The following ZNF701 variants were observed in gnomAD, a reference collection of about 807,000 sequenced individuals.
ZNF701 encodes the protein zinc finger protein 701.
ZNF701 carries 6 observed loss-of-function variants against 7.1 expected under a neutral mutation model. The ratio of observed to expected loss-of-function variants is 0.84; its 90% CI spans 0.46 to 1.66. The LOEUF (loss-of-function observed/expected upper bound fraction) is 1.66. ZNF701 is among the 40% of genes most tolerant of loss of function. The probability of loss-of-function intolerance (pLI) is 0.01; values close to 1 mark genes in which losing one functional copy is unlikely to be tolerated. For missense variants in ZNF701, 541 were observed against 559.2 expected, an observed-to-expected ratio of 0.97 and a Z score of 0.33; for synonymous variants, 166 against 188.2, an observed-to-expected ratio of 0.88 and a Z score of 0.97.
chr19:52,596,046 A>G, the ZNF701 span: 13 of 1,405,510 alleles, frequency 9.2e-6, no homozygotes, highest in Non-Finnish European at 1.3e-5. Flanking sequence ...TCTATTAAGT[A>G]TGGGAAGAAT....
At chr19:52,575,183 A>C (rs964262931) in intron 2 of ZNF701, among the ~76,000 whole-genome samples, 1 of 152,014 alleles carries the variant, frequency 6.6e-6, no homozygotes, top group African/African-American at 2.4e-5. Context: ...GTTAGCCAGG[A>C]TGGTCTCGAT....
At position 52,582,251 on chromosome 19, in the gene ZNF701, C is replaced by G; in HGVS notation, c.192C>G (p.Gly64=). The change falls in exon 4 of 4, where the codon GGC becomes GGG. Residue 64 remains glycine (G), a synonymous_variant. Coordinates refer to ENST00000391785, the MANE Select transcript of ZNF701 (RefSeq NM_018260.3). The part of the protein sequence containing the change: ...MMKMFSSTGQ[G]NTEVVHTGTL... ...AGATGTTCTCATCAACAGGACAAGG[C>G]AATACAGAAGTGGTCCACACAGGGA... 3 of 1,605,602 alleles carry G rather than the reference C, an allele frequency of 1.9e-6. No homozygotes were observed. Among genetic ancestry groups the G allele is most frequent in the Non-Finnish European group, 2.6e-6 (3 of 1,175,986 alleles).
chr19:52,588,480 A>G (rs1361522211), downstream of ZNF701: 1 of 207,384 alleles, frequency 4.8e-6, no homozygotes, highest in Non-Finnish European at 9.7e-6. Flanking sequence ...GCTAGACACC[A>G]TCTCAAAAAA....
downstream of ZNF701, among the ~76,000 whole-genome samples, chr19:52,590,949 C>T (rs1342806655): frequency 1.3e-5 from 2 of 152,076 alleles, no homozygotes; most frequent in African/African-American, 2.4e-5. Context: ...AAAAGATTCT[C>T]CTGCCTCGCC....
chr19:52,590,980 C>T (rs1484405059), downstream of ZNF701, among the ~76,000 whole-genome samples: 1 of 152,022 alleles, frequency 6.6e-6, no homozygotes, highest in Admixed American at 6.6e-5. Context: ...GCTGGGACTA[C>T]AGGCACGCAC....
At chr19:52,576,401 C>T (rs1270544785) in intron 3 of ZNF701, among the ~76,000 whole-genome samples, 7 of 152,078 alleles carry the variant, frequency 4.6e-5, no homozygotes, top group East Asian at 3.9e-4. Flanking sequence ...ATTAGCCGGG[C>T]GTCGTGGTGC....
chr19:52,572,567 C>T (rs2059908027), intron 1 of ZNF701: 1 of 384,948 alleles, frequency 2.6e-6, no homozygotes, highest in Non-Finnish European at 4.7e-6. Flanking sequence ...CCTTCCAGGC[C>T]ACCATGTAAG....
At chr19:52,571,335 C>T (rs928432406) in intron 1 of ZNF701, among the ~76,000 whole-genome samples, 1 of 151,536 alleles carries the variant, frequency 6.6e-6, no homozygotes, top group Non-Finnish European at 1.5e-5. Flanking sequence ...GCAGGGAGGA[C>T]GCCTGGGGAT....
chr19:52,578,853 G>A (rs926439611), intron 3 of ZNF701, among the ~76,000 whole-genome samples: 3 of 152,072 alleles, frequency 2.0e-5, no homozygotes, highest in Non-Finnish European at 4.4e-5. Context: ...CACCTCCCGG[G>A]TTCACGCCAT....
downstream of ZNF701, among the ~76,000 whole-genome samples, chr19:52,591,463 GA>G (rs1278403051): frequency 6.6e-6 from 1 of 152,144 alleles, no homozygotes. Context: ...TTACAGGTGT[GA>G]GCCCCAATGC....
At position 52,586,235 on chromosome 19, in the gene ZNF701, T is replaced by A. The variant is rs2060011005; in HGVS notation, c.*2778T>A. On this transcript the variant is annotated 3_prime_UTR_variant, in exon 4 of 4. Coordinates refer to ENST00000391785, the MANE Select transcript of ZNF701 (RefSeq NM_018260.3). Reference sequence around the variant, plus strand: ...TTTTGTGTTCTTGGTAGAGACCGGGTTTTGCCTTGTTGTCTAGGTTGGGCT... The same window carrying A: ...TTTTGTGTTCTTGGTAGAGACCGGGATTTGCCTTGTTGTCTAGGTTGGGCT... The A allele has an allele frequency of 6.6e-6, 1 of 152,084 alleles. No homozygotes were observed. The highest frequency in any genetic ancestry group is 2.0e-4 in the East Asian group (1 of 5,118). 9.4% of individuals were successfully genotyped at this position (152,084 alleles called of 1,614,324 possible). A position where few individuals can be genotyped will look rare whatever the true frequency, so the allele number is the denominator to read the frequency against.
At chr19:52,588,338 T>C (rs1273290202), downstream of ZNF701, among the ~76,000 whole-genome samples, 1 of 151,832 alleles carries the variant, frequency 6.6e-6, no homozygotes, top group Non-Finnish European at 1.5e-5. Context: ...ATAGAAAAAT[T>C]AGCTGGGCCT....
At chr19:52,596,738 G>C in the ZNF701 span, 1 of 511,370 alleles carries the variant, frequency 2.0e-6, no homozygotes, top group Non-Finnish European at 4.0e-6. Context: ...TCAAAATTCA[G>C]CCCTTGTAAT....
Position 52,584,801 on chromosome 19 carries a change from C to T in ZNF701, c.*1344C>T, listed in dbSNP as rs1035182830. On this transcript the variant is annotated 3_prime_UTR_variant, in exon 4 of 4. Transcript: ENST00000391785. Reference sequence around the variant, plus strand: ...AATCCACTGAATGTGTTGATTAGTTCCAGTAGTATTTTGGTTGACTCAGGC... The same window carrying T: ...AATCCACTGAATGTGTTGATTAGTTTCAGTAGTATTTTGGTTGACTCAGGC... The T allele has an allele frequency of 5.3e-5, 8 of 152,134 alleles. No homozygotes were observed. The East Asian group carries it at 1.2e-3, about 22-fold the overall frequency. 9.4% of individuals were successfully genotyped at this position (152,134 alleles called of 1,614,324 possible).
intron 3 of ZNF701, among the ~76,000 whole-genome samples, chr19:52,577,104 C>T (rs1037287769): frequency 6.6e-6 from 1 of 152,100 alleles, no homozygotes; most frequent in African/African-American, 2.4e-5. Context: ...TCCTTTCTTT[C>T]TTTTTCTTAT....
chr19:52,580,964 A>C (rs917051766), intron 3 of ZNF701, among the ~76,000 whole-genome samples: 2 of 80,322 alleles, frequency 2.5e-5, no homozygotes, highest in African/African-American at 5.9e-5. Flanking sequence ...TCTCTACTAA[A>C]AATATAAAAA....
In ZNF701 at chr19:52,586,683, C is replaced by T. The variant is rs1254441172; in HGVS notation, c.*3226C>T. ...TCAGGATAACTTGGTGAAACGTCCC[C>T]CGCTGTGAACCTCAGTGAGCCCACC... On this transcript the variant is annotated 3_prime_UTR_variant, in exon 4 of 4. Coordinates refer to ENST00000391785, the MANE Select transcript of ZNF701 (RefSeq NM_018260.3). The T allele has an allele frequency of 6.6e-6, 1 of 152,106 alleles. No homozygotes were observed. Among genetic ancestry groups the T allele is most frequent in the East Asian group, 1.9e-4 (1 of 5,166 alleles). 9.4% of individuals were successfully genotyped at this position (152,106 alleles called of 1,614,324 possible).
In ZNF701 at chr19:52,583,428, C is replaced by T; in HGVS notation, c.1369C>T (p.His457Tyr). ...TCGAAAATCAAACCTTGAACGTCATCATAGACTTCATACTGGAAAGAAATC... is the reference window on the plus strand; with the variant it reads ...TCGAAAATCAAACCTTGAACGTCATTATAGACTTCATACTGGAAAGAAATC... ...FNRKSNLERH[H>Y]RLHTGKKS is the part of the protein sequence containing the mutation. The change falls in exon 4 of 4, where the codon CAT becomes TAT. Residue 457 changes from histidine to tyrosine, a missense_variant. By Grantham distance (83) the His-to-Tyr change is moderately conservative (BLOSUM62 2). Transcript: ENST00000391785. 1.2e-6 allele frequency: 2 copies of T among 1,613,198 alleles called. No homozygotes were observed. Among genetic ancestry groups the T allele is most frequent in the Non-Finnish European group, 1.7e-6 (2 of 1,179,608 alleles).
At position 52,586,817 on chromosome 19, in the gene ZNF701, G is replaced by A. The variant is rs530083342; in HGVS notation, c.*3360G>A. On this transcript the variant is annotated 3_prime_UTR_variant, in exon 4 of 4. Coordinates refer to ENST00000391785, the MANE Select transcript of ZNF701 (RefSeq NM_018260.3). ...GTGGCTTTTCCTGTAGGACAGGGAG[G>A]TATTTAGTTGTAGTTTGAACTTTAA... 1 of 152,264 alleles carries A rather than the reference G, an allele frequency of 6.6e-6. No individual in the cohort carries two copies. Among genetic ancestry groups the A allele is most frequent in the South Asian group, 2.1e-4 (1 of 4,822 alleles). The allele number at this position is 152,264 out of a possible 1,614,324, so 9.4% of individuals were successfully genotyped here. A position where few individuals can be genotyped will look rare whatever the true frequency, so the allele number is the denominator to read the frequency against.
Sources: allele counts gnomAD v4.1 joint callset (sites outside exome capture counted in the v4.1 genomes callset), GRCh38; gene constraint gnomAD v4.1.1; transcripts MANE v1.5; gene names NCBI Gene and HGNC (gene_info 2026-07-23, HGNC 2026-07-21).